The following ECPAS variants were observed in gnomAD, a reference collection of about 807,000 sequenced individuals.
ECPAS encodes Ecm29 proteasome adaptor and scaffold, also known as proteasome adapter and scaffold protein ECM29.
In ECPAS, 70 loss-of-function variants were observed where a neutral mutation model predicts 255.1. The observed-to-expected ratio is 0.27, with a 90% CI of 0.23 to 0.33. ECPAS has a LOEUF of 0.33. ECPAS is among the 10% of genes least tolerant of loss of function. ECPAS has a pLI of 1.00. For missense variants in ECPAS, 1,817 were observed against 2,206.4 expected, an observed-to-expected ratio of 0.82 and a Z score of 3.54; for synonymous variants, 784 against 775.0, an observed-to-expected ratio of 1.01 and a Z score of -0.19.
intron 22 of ECPAS, 120 bp from the exon 23 acceptor site, chr9:111,410,333 C>T (rs1398885265): frequency 1.4e-6 from 1 of 738,484 alleles, no homozygotes; most frequent in Admixed American, 3.3e-5. Flanking sequence ...TGTACGATAT[C>T]TTCTAGTTGA....
At chr9:111,434,305 A>G (rs1448761912) in intron 7 of ECPAS, among the ~76,000 whole-genome samples, 1 of 152,250 alleles carries the variant, frequency 6.6e-6, no homozygotes, top group African/African-American at 2.4e-5. Context: ...TCAAGTACAC[A>G]AAGATATAAA....
At chr9:111,363,067 A>G (rs2098115779) in intron 49 of ECPAS, among the ~76,000 whole-genome samples, 1 of 152,162 alleles carries the variant, frequency 6.6e-6, no homozygotes, top group South Asian at 2.1e-4. Context: ...CTCCTTCTGA[A>G]GTCAGTAACA....
rs745910335 is a variant in ECPAS at position 111,366,589 on chromosome 9, G to A, written c.5152C>T (p.Arg1718Trp). 7.4e-6 allele frequency: 12 copies of A among 1,613,106 alleles called. No individual in the cohort carries two copies. Among genetic ancestry groups the A allele is most frequent in the East Asian group, 4.5e-5 (2 of 44,834 alleles). The change falls in exon 47 of 50, where the codon CGG becomes TGG. Residue 1718 changes from arginine (R) to tryptophan (W), a missense_variant. Transcript: ENST00000684092. ...ACTTTCCACGTGCTGAGTTTTAGCCGTTCACACATCAGTTTGCACAGCTCC... is the reference window on the plus strand; with the variant it reads ...ACTTTCCACGTGCTGAGTTTTAGCCATTCACACATCAGTTTGCACAGCTCC... ...RQELCKLMCE[R>W]LKLSTWKVQL... is the part of the protein sequence containing the mutation.
intron 29 of ECPAS, among the ~76,000 whole-genome samples, chr9:111,390,941 G>A (rs994576774): frequency 6.6e-6 from 1 of 152,210 alleles, no homozygotes; most frequent in Non-Finnish European, 1.5e-5. Context: ...AGCTGCCTGA[G>A]AGCTGACAGC....
chr9:111,460,953 T>C (rs1429353175), intron 2 of ECPAS, among the ~76,000 whole-genome samples: 3 of 152,140 alleles, frequency 2.0e-5, no homozygotes, highest in Admixed American at 6.6e-5. Context: ...CTCGAGCCTA[T>C]AGTGGTTCCA....
intron 2 of ECPAS, among the ~76,000 whole-genome samples, chr9:111,472,382 T>G (rs1187555412): frequency 6.6e-6 from 1 of 151,012 alleles, no homozygotes; most frequent in Admixed American, 6.6e-5. Context: ...TTGTGCACAG[T>G]GCTAAATAAC....
chr9:111,384,667 T>C lies in ECPAS; in HGVS notation c.3634-98A>G. ...TAATTGCCTCAGGCCCTACAGAGAT[T>C]TGGTGGAAAATCTTACATTTCATAT... On this transcript the variant is annotated intron_variant, in intron 33 of 49. Coordinates refer to ENST00000684092, the MANE Select transcript of ECPAS (RefSeq NM_001364929.1). 1.2e-5 allele frequency: 13 copies of C among 1,066,882 alleles called. No individual in the cohort carries two copies. The South Asian group carries it at 1.7e-4, about 14-fold the overall frequency. 66.1% of individuals were successfully genotyped at this position (1,066,882 alleles called of 1,614,324 possible).
At chr9:111,465,969 G>A (rs1445605168) in intron 2 of ECPAS, among the ~76,000 whole-genome samples, 1 of 151,906 alleles carries the variant, frequency 6.6e-6, no homozygotes, top group Admixed American at 6.6e-5. Context: ...AGGAGGTTGA[G>A]GCTGCAGTGA....
intron 2 of ECPAS, among the ~76,000 whole-genome samples, chr9:111,453,803 T>G (rs555779164): frequency 4.6e-5 from 7 of 152,164 alleles, no homozygotes; most frequent in Admixed American, 4.6e-4. Context: ...ATAAGACACC[T>G]GGCCAGTACT....
intron 1 of ECPAS, among the ~76,000 whole-genome samples, chr9:111,482,022 G>A (rs1383319891): frequency 6.6e-6 from 1 of 152,218 alleles, no homozygotes; most frequent in East Asian, 1.9e-4. Flanking sequence ...ATGGATGGTG[G>A]TGATGATTAC....
At chr9:111,394,756 A>G (rs183995839) in intron 25 of ECPAS, among the ~76,000 whole-genome samples, 1 of 152,324 alleles carries the variant, frequency 6.6e-6, no homozygotes. Context: ...TATACACTGC[A>G]GGATGTCTAG....
At chr9:111,454,093 C>A (rs1014161831) in intron 2 of ECPAS, among the ~76,000 whole-genome samples, 5 of 152,148 alleles carry the variant, frequency 3.3e-5, no homozygotes, top group African/African-American at 1.2e-4. Context: ...AAAAGAAGTT[C>A]TCAGGAATGC....
At chr9:111,399,377 T>C (rs2418159) in intron 24 of ECPAS, among the ~76,000 whole-genome samples, 62,321 of 152,060 alleles carry the variant, frequency 0.41, 13,299 homozygotes, top group Non-Finnish European at 0.48. Context: ...ACACTGCCTA[T>C]ACCACCCCTC....
intron 49 of ECPAS, among the ~76,000 whole-genome samples, chr9:111,362,977 T>C (rs1272435408): frequency 6.6e-6 from 1 of 152,110 alleles, no homozygotes; most frequent in Non-Finnish European, 1.5e-5. Flanking sequence ...TACACAAGGT[T>C]GCAGGAAAAA....
intron 3 of ECPAS, among the ~76,000 whole-genome samples, chr9:111,448,391 G>GA (rs930873243): frequency 4.6e-4 from 69 of 151,404 alleles, no homozygotes; most frequent in Non-Finnish European, 9.3e-4. Flanking sequence ...AGGTTTTGGA[G>GA]AAAAAAACCT....
At chr9:111,414,710 G>T in intron 18 of ECPAS, 59 bp from the exon 19 acceptor site, 1 of 1,419,784 alleles carries the variant, frequency 7.0e-7, no homozygotes, top group Non-Finnish European at 9.7e-7. Context: ...GTGTGGGAAG[G>T]TACTCTTCAA....
chr9:111,375,054 T>C (rs1270196681), intron 38 of ECPAS, 59 bp downstream of exon 38: 8 of 1,239,340 alleles, frequency 6.5e-6, no homozygotes, highest in East Asian at 2.3e-5. Flanking sequence ...ATGGCTGTTA[T>C]ATCCTTATGG....
chr9:111,410,724 G>T (rs1242140543), intron 22 of ECPAS, among the ~76,000 whole-genome samples: 1 of 152,018 alleles, frequency 6.6e-6, no homozygotes, highest in Non-Finnish European at 1.5e-5. Context: ...TCACTATGCT[G>T]ACTAGACTGG....
intron 12 of ECPAS, among the ~76,000 whole-genome samples, 168 bp downstream of exon 12, chr9:111,425,250 A>G (rs2098219824): frequency 6.6e-6 from 1 of 152,188 alleles, no homozygotes; most frequent in Non-Finnish European, 1.5e-5. Context: ...CCCCCAAAAA[A>G]GCAAAAAAGG....
Sources: allele counts gnomAD v4.1 joint callset (sites outside exome capture counted in the v4.1 genomes callset), GRCh38; gene constraint gnomAD v4.1.1; transcripts MANE v1.5; gene names NCBI Gene and HGNC (gene_info 2026-07-23, HGNC 2026-07-21).